MALRD1: variants seen among roughly 807,000 people sequenced by gnomAD.
MALRD1 encodes the protein MAM and LDL-receptor class A domain-containing protein 1.
Under a neutral mutation model 242.1 loss-of-function variants are expected in MALRD1, and 247 were observed. The observed-to-expected ratio is 1.02, with a 90% CI of 0.92 to 1.13. MALRD1 has a LOEUF of 1.13. Ranked by LOEUF, MALRD1 falls within the 50% of genes most tolerant of loss-of-function variation. The pLI is 0.00. For synonymous variants in MALRD1, 995 were observed against 866.6 expected (o/e 1.15, Z -2.60); for missense variants, 2,989 against 2,533.1 (o/e 1.18, Z -3.86).
At chr10:19,498,429 A>G in intron 30 of MALRD1, 56 bp from the exon 31 acceptor site, 1 of 1,434,170 alleles carries the variant, frequency 7.0e-7, no homozygotes, top group Non-Finnish European at 9.5e-7. Flanking sequence ...AATATAGGGT[A>G]GTAGCAAATG....
chr10:19,529,195 C>G (rs1834229124), intron 31 of MALRD1, among the ~76,000 whole-genome samples: 1 of 152,134 alleles, frequency 6.6e-6, no homozygotes, highest in Admixed American at 6.6e-5. Flanking sequence ...TTAACAAGGC[C>G]TGCCTTCAAG....
intron 29 of MALRD1, among the ~76,000 whole-genome samples, chr10:19,451,229 G>T (rs1351411088): frequency 1.3e-5 from 2 of 152,052 alleles, no homozygotes; most frequent in Non-Finnish European, 2.9e-5. Flanking sequence ...AAACAGGTTA[G>T]AAATCTGGTA....
intron 2 of MALRD1, among the ~76,000 whole-genome samples, chr10:19,080,918 G>GA: frequency 6.6e-6 from 1 of 151,434 alleles, no homozygotes. Context: ...AAATTTTCAG[G>GA]AAAAAAACAA....
intron 38 of MALRD1, among the ~76,000 whole-genome samples, chr10:19,696,167 C>T (rs568092847): frequency 1.3e-5 from 2 of 152,128 alleles, no homozygotes; most frequent in African/African-American, 4.8e-5. Context: ...AGGCTGGGCT[C>T]ATGCAAGACT....
intron 33 of MALRD1, among the ~76,000 whole-genome samples, chr10:19,593,928 C>G (rs141446176): frequency 1.3e-5 from 2 of 152,276 alleles, no homozygotes; most frequent in East Asian, 1.9e-4. Flanking sequence ...GTGATTTTAT[C>G]TAGCTTTGGA....
At chr10:19,565,635 G>C (rs935558334) in intron 32 of MALRD1, among the ~76,000 whole-genome samples, 7 of 152,072 alleles carry the variant, frequency 4.6e-5, no homozygotes, top group African/African-American at 1.4e-4. Context: ...ACATAAACTT[G>C]TAAACCAAGT....
intron 18 of MALRD1, among the ~76,000 whole-genome samples, chr10:19,254,443 T>A (rs149751392): frequency 6.6e-6 from 1 of 152,146 alleles, no homozygotes; most frequent in Non-Finnish European, 1.5e-5. Context: ...TTTAGACACA[T>A]CTTCATTTGT....
chr10:19,134,692 G>A (rs777759904), intron 9 of MALRD1, among the ~76,000 whole-genome samples: 1 of 152,094 alleles, frequency 6.6e-6, no homozygotes, highest in Non-Finnish European at 1.5e-5. Context: ...AATTTTCATA[G>A]GCTGATATCT....
At chr10:19,119,164 G>A (rs1836975789) in intron 5 of MALRD1, among the ~76,000 whole-genome samples, 1 of 152,112 alleles carries the variant, frequency 6.6e-6, no homozygotes, top group South Asian at 2.1e-4. Flanking sequence ...ATGAGTCATG[G>A]AAGACCCCAA....
chr10:19,687,835 A>G (rs1463126996), intron 36 of MALRD1, among the ~76,000 whole-genome samples: 1 of 152,318 alleles, frequency 6.6e-6, no homozygotes, highest in South Asian at 2.1e-4. Context: ...CCCAGATTCC[A>G]TGTGAAAAAT....
At chr10:19,450,133 T>C (rs1835237859) in intron 28 of MALRD1, among the ~76,000 whole-genome samples, 174 bp from the exon 29 acceptor site, 1 of 152,150 alleles carries the variant, frequency 6.6e-6, no homozygotes, top group South Asian at 2.1e-4. Context: ...TTGAGTTGGG[T>C]TTGACAAGAA....
At chr10:19,637,220 C>G (rs1172957021) in intron 36 of MALRD1, among the ~76,000 whole-genome samples, 1 of 152,214 alleles carries the variant, frequency 6.6e-6, no homozygotes, top group South Asian at 2.1e-4. Context: ...ACTCCCATAT[C>G]TGATGGTTTT....
At chr10:19,457,108 C>G (rs1835701250) in intron 29 of MALRD1, among the ~76,000 whole-genome samples, 1 of 152,098 alleles carries the variant, frequency 6.6e-6, no homozygotes, top group Admixed American at 6.6e-5. Flanking sequence ...TTAATTGAAT[C>G]CTTAAGACTC....
At chr10:19,371,069 G>A (rs866848893) in intron 26 of MALRD1, among the ~76,000 whole-genome samples, 1 of 141,842 alleles carries the variant, frequency 7.1e-6, no homozygotes, top group African/African-American at 2.6e-5. Context: ...GGACAACATA[G>A]TGAGGCCCTC....
chr10:19,653,673 C>T (rs1033432664), intron 36 of MALRD1, among the ~76,000 whole-genome samples: 9 of 143,778 alleles, frequency 6.3e-5, no homozygotes, highest in East Asian at 2.1e-4. Context: ...AGGCAATGTC[C>T]GAATAGTCTA....
intron 2 of MALRD1, among the ~76,000 whole-genome samples, chr10:19,086,345 T>G (rs1282435582): frequency 6.6e-6 from 1 of 152,054 alleles, no homozygotes; most frequent in Non-Finnish European, 1.5e-5. Flanking sequence ...AGCTATGTCA[T>G]CATAGACATC....
chr10:19,433,708 A>C (rs1378944235), intron 28 of MALRD1, among the ~76,000 whole-genome samples: 2 of 152,198 alleles, frequency 1.3e-5, no homozygotes. Context: ...GGAGAAAAAA[A>C]AATGAACACC....
intron 18 of MALRD1, among the ~76,000 whole-genome samples, chr10:19,224,008 T>A (rs913939189): frequency 6.6e-6 from 1 of 152,208 alleles, no homozygotes; most frequent in Admixed American, 6.5e-5. Context: ...GCAGTAAACA[T>A]ATGTGTGAAT....
At chr10:19,347,649 G>A (rs1844190964) in intron 24 of MALRD1, 122 bp from the exon 25 acceptor site, 1 of 1,156,344 alleles carries the variant, frequency 8.6e-7, no homozygotes, top group Non-Finnish European at 1.2e-6. Context: ...TTGCTATCAG[G>A]ATAGCATTAT....
Sources: gnomAD v4.1 joint callset for allele counts (sites outside exome capture counted in the v4.1 genomes callset) on GRCh38, gnomAD v4.1.1 for gene constraint, MANE v1.5 for transcripts, NCBI Gene and HGNC (gene_info 2026-07-23, HGNC 2026-07-21) for gene names.